B3GAT2: variants seen among roughly 807,000 people sequenced by gnomAD.
B3GAT2 encodes beta-1,3-glucuronyltransferase 2.
B3GAT2 carries 26 observed loss-of-function variants against 27.8 expected under a neutral mutation model. That is an observed-to-expected ratio of 0.93 (90% CI 0.68 to 1.30). The LOEUF is 1.30. Ranked by LOEUF, B3GAT2 falls within the 50% of genes most tolerant of loss-of-function variation. The probability of loss-of-function intolerance (pLI) is 0.00; values close to 1 mark genes in which losing one functional copy is unlikely to be tolerated. For missense variants in B3GAT2, 458 were observed against 459.0 expected, an observed-to-expected ratio of 1.00 and a Z score of 0.02; for synonymous variants, 218 against 195.1, an observed-to-expected ratio of 1.12 and a Z score of -0.98.
At chr6:70,938,324 C>T (rs1236507214) in intron 1 of B3GAT2, among the ~76,000 whole-genome samples, 2 of 141,410 alleles carry the variant, frequency 1.4e-5, no homozygotes, top group East Asian at 4.3e-4. Flanking sequence ...AATGGCCATA[C>T]TGCCCAAGGT....
intron 2 of B3GAT2, among the ~76,000 whole-genome samples, chr6:70,879,045 G>A (rs1346520462): frequency 1.3e-5 from 2 of 152,104 alleles, no homozygotes; most frequent in African/African-American, 2.4e-5. Flanking sequence ...AAACTTCACA[G>A]TCATGTTAGT....
chr6:70,938,092 A>G (rs1007509688), intron 1 of B3GAT2, among the ~76,000 whole-genome samples: 5 of 150,832 alleles, frequency 3.3e-5, no homozygotes, highest in African/African-American at 9.8e-5. Flanking sequence ...AATCACAAGC[A>G]TTCTTATACA....
At position 70,860,157 on chromosome 6, in the gene B3GAT2, G is replaced by A. The variant is rs555577913; in HGVS notation, c.*1506C>T. 4.6e-6 allele frequency: 7 copies of A among 1,532,764 alleles called. No homozygotes were observed. The South Asian group carries it at 6.4e-5, about 14-fold the overall frequency. The allele number at this position is 1,532,764 out of a possible 1,614,324, so 94.9% of individuals were successfully genotyped here. A position where few individuals can be genotyped will look rare whatever the true frequency, so the allele number is the denominator to read the frequency against. On this transcript the variant is annotated 3_prime_UTR_variant, in exon 4 of 4. Coordinates refer to ENST00000230053, the MANE Select transcript of B3GAT2 (RefSeq NM_080742.3). Reference sequence around the variant, plus strand: ...GTGGCTAAAGAAACAAGAATTAAAAGTGAAGTAAGCCTCTTGAACTAAGCC... The same window carrying A: ...GTGGCTAAAGAAACAAGAATTAAAAATGAAGTAAGCCTCTTGAACTAAGCC...
At chr6:70,886,977 TG>T (rs1772198817) in intron 2 of B3GAT2, among the ~76,000 whole-genome samples, 1 of 152,146 alleles carries the variant, frequency 6.6e-6, no homozygotes, top group South Asian at 2.1e-4. Flanking sequence ...AGTCCCAAGC[TG>T]GTCCCTAGAT....
intron 1 of B3GAT2, among the ~76,000 whole-genome samples, chr6:70,905,246 A>C (rs1772581524): frequency 6.6e-6 from 1 of 152,206 alleles, no homozygotes. Context: ...GAGGAAACGC[A>C]AGAGTTACTG....
At position 70,956,985 on chromosome 6, in the gene B3GAT2, T is replaced by C. The variant is rs918151649; in HGVS notation, c.-556A>G. ...GACGCTGGGGGTTGTGTCCCGGCTG[T>C]GTTCGCGCGCCGCAGCGGAAGCCTG... On this transcript the variant is annotated 5_prime_UTR_variant, in exon 1 of 4. Coordinates refer to ENST00000230053, the MANE Select transcript of B3GAT2 (RefSeq NM_080742.3). 2.0e-6 allele frequency: 2 copies of C among 999,598 alleles called. No individual in the cohort carries two copies. Among genetic ancestry groups the C allele is most frequent in the Non-Finnish European group, 2.4e-6 (2 of 839,942 alleles). The allele number at this position is 999,598 out of a possible 1,614,324, so 61.9% of individuals were successfully genotyped here.
chr6:70,893,991 T>C (rs1772334936), intron 2 of B3GAT2, 137 bp downstream of exon 2: 1 of 936,536 alleles, frequency 1.1e-6, no homozygotes, highest in South Asian at 3.8e-5. Flanking sequence ...GTTTAAATAT[T>C]TCATCTCCTG....
At chr6:70,897,670 A>AATAT (rs3034203) in intron 1 of B3GAT2, among the ~76,000 whole-genome samples, 1 of 92,346 alleles carries the variant, frequency 1.1e-5, no homozygotes, top group Non-Finnish European at 2.2e-5. Flanking sequence ...AAAAAAAAAA[A>AATAT]ATATATATAT....
intron 2 of B3GAT2, among the ~76,000 whole-genome samples, chr6:70,881,932 T>C (rs1273819998): frequency 2.6e-5 from 4 of 152,240 alleles, no homozygotes; most frequent in African/African-American, 7.2e-5. Context: ...AGCATGGTTT[T>C]AGATATTTTC....
At position 70,956,187 on chromosome 6, in the gene B3GAT2, G is replaced by A; in HGVS notation, c.243C>T (p.Thr81=). 1.2e-6 allele frequency: 2 copies of A among 1,611,738 alleles called. No individual in the cohort carries two copies. Among genetic ancestry groups the A allele is most frequent in the Non-Finnish European group, 8.5e-7 (1 of 1,178,790 alleles). ...PQPQPEPQLP[T]IYAITPTYSR... ...TGTAGGTGGGCGTGATGGCATAGAT[G>A]GTGGGCAGCTGCGGCTCCGGCTGTG... Residue 81 remains threonine (T), a synonymous_variant, in exon 1 of 4, where the codon ACC becomes ACT. Transcript: ENST00000230053.
intron 1 of B3GAT2, among the ~76,000 whole-genome samples, chr6:70,919,475 A>T (rs1343375104): frequency 6.6e-6 from 1 of 152,140 alleles, no homozygotes. Flanking sequence ...TTGGAGAAGA[A>T]AGGCGTTCTG....
chr6:70,858,124 T>G lies in B3GAT2; in HGVS notation c.*3539A>C. ...CACAAACTGGTGTGATGCCACTTCC[T>G]CAGAACGTTGTTGGCCCCCAAGGAG... On this transcript the variant is annotated 3_prime_UTR_variant, in exon 4 of 4. Coordinates refer to ENST00000230053, the MANE Select transcript of B3GAT2 (RefSeq NM_080742.3). 1 of 1,613,950 alleles carries G rather than the reference T, an allele frequency of 6.2e-7. No homozygotes were observed. Among genetic ancestry groups the G allele is most frequent in the Non-Finnish European group, 8.5e-7 (1 of 1,179,986 alleles).
intron 1 of B3GAT2, among the ~76,000 whole-genome samples, chr6:70,894,548 A>G (rs146826853): frequency 7.0e-4 from 106 of 152,336 alleles, no homozygotes; most frequent in African/African-American, 2.3e-3. Context: ...ATTTGAAGCT[A>G]AGTTGCAACT....
At chr6:70,896,776 G>A (rs546954279) in intron 1 of B3GAT2, among the ~76,000 whole-genome samples, 32 of 152,130 alleles carry the variant, frequency 2.1e-4, no homozygotes, top group Admixed American at 3.9e-4. Context: ...ATTCTATTGC[G>A]TAGTTCATAC....
In B3GAT2 at chr6:70,871,223, T is replaced by G. The variant is rs9351794; in HGVS notation, c.737-9245A>C. ...AGGTCTGTCTGTTTTTTTTTTTTTG[T>G]TTTTTTTTTTTCTTCGTGATGTCTT... On this transcript the variant is annotated intron_variant, in intron 2 of 3. Transcript: ENST00000230053. Among the ~76,000 whole-genome samples, 129 of 34,232 alleles carry G rather than the reference T, an allele frequency of 3.8e-3. No homozygotes were observed. The East Asian group carries it at 0.12, about 33-fold the overall frequency. 22.5% of individuals were successfully genotyped at this position (34,232 alleles called of 152,430 possible).
At chr6:70,919,174 C>T (rs571271952) in intron 1 of B3GAT2, among the ~76,000 whole-genome samples, 10 of 152,268 alleles carry the variant, frequency 6.6e-5, no homozygotes, top group East Asian at 5.8e-4. Flanking sequence ...TCCTTTCTTT[C>T]GCTTGATTGA....
chr6:70,924,657 T>C (rs2150043184), intron 1 of B3GAT2, among the ~76,000 whole-genome samples: 1 of 152,198 alleles, frequency 6.6e-6, no homozygotes, highest in East Asian at 1.9e-4. Flanking sequence ...GTGAAGGAGA[T>C]CTGATCCAAC....
chr6:70,870,582 C>CAA (rs1010653858), intron 2 of B3GAT2, among the ~76,000 whole-genome samples: 23 of 151,834 alleles, frequency 1.5e-4, no homozygotes, highest in African/African-American at 5.6e-4. Flanking sequence ...TCCTTTTCAA[C>CAA]AGAGATGTCC....
intron 1 of B3GAT2, 152 bp downstream of exon 1, chr6:70,955,687 A>G: frequency 1.1e-6 from 1 of 926,146 alleles, no homozygotes; most frequent in Non-Finnish European, 1.5e-6. Context: ...AGTGCCAGCA[A>G]GGAGCGGCTC....
Sources: gnomAD v4.1 joint callset for allele counts (sites outside exome capture counted in the v4.1 genomes callset) on GRCh38, gnomAD v4.1.1 for gene constraint, MANE v1.5 for transcripts, NCBI Gene and HGNC (gene_info 2026-07-23, HGNC 2026-07-21) for gene names.